The following ARHGAP17 variants were observed in gnomAD, a reference collection of about 807,000 sequenced individuals.
ARHGAP17 encodes Rho GTPase activating protein 17, also known as rho GTPase-activating protein 17.
ARHGAP17 carries 57 observed loss-of-function variants against 99.5 expected under a neutral mutation model. That is an observed-to-expected ratio of 0.57 (90% confidence interval 0.46 to 0.71). ARHGAP17 has a LOEUF of 0.71. Ranked by LOEUF, ARHGAP17 falls within the 30% of genes least tolerant of loss-of-function variation. The pLI is 0.00. For synonymous variants in ARHGAP17, 417 were observed against 429.6 expected (o/e 0.97, Z 0.36); for missense variants, 1,000 against 1,122.4 (o/e 0.89, Z 1.56).
chr16:24,926,861 CCA>C (rs2050855870), intron 19 of ARHGAP17, among the ~76,000 whole-genome samples: 2 of 152,320 alleles, frequency 1.3e-5, no homozygotes, highest in African/African-American at 4.8e-5. Flanking sequence ...GGTTCCACCC[CCA>C]GTCTCCTGTG....
chr16:24,923,116 T>C (rs1416960760), intron 19 of ARHGAP17, among the ~76,000 whole-genome samples: 1 of 152,206 alleles, frequency 6.6e-6, no homozygotes, highest in Non-Finnish European at 1.5e-5. Context: ...TCAGAGGCTC[T>C]ATTCCTTGCC....
intron 7 of ARHGAP17, among the ~76,000 whole-genome samples, chr16:24,962,368 C>T (rs143615004): frequency 1.6e-4 from 25 of 152,206 alleles, no homozygotes; most frequent in African/African-American, 5.5e-4. Flanking sequence ...AACGAAACAA[C>T]AGATTAGAAC....
chr16:24,968,765 G>GC lies in ARHGAP17; in HGVS notation c.279dup (p.Leu94AlafsTer8). On this transcript the variant is annotated frameshift_variant, in exon 5 of 20. Coordinates refer to ENST00000289968, the MANE Select transcript of ARHGAP17 (RefSeq NM_001006634.3). LOFTEE classifies it high-confidence loss of function. Reference sequence around the variant, plus strand: ...TTCTCAGCATCTCCACACGTCTCCAGCATCTTCCTTTAAAAACAAGACCCC... The same window carrying GC: ...TTCTCAGCATCTCCACACGTCTCCAGCCATCTTCCTTTAAAAACAAGACCCC... 6.2e-7 allele frequency: 1 copy of GC among 1,614,138 alleles called. No homozygotes were observed.
At chr16:24,927,275 C>A (rs1321539054) in intron 19 of ARHGAP17, among the ~76,000 whole-genome samples, 1 of 152,176 alleles carries the variant, frequency 6.6e-6, no homozygotes, top group African/African-American at 2.4e-5. Flanking sequence ...CTTGGACTTT[C>A]TCTTATTTCA....
chr16:25,003,048 A>G (rs912218329), intron 1 of ARHGAP17, among the ~76,000 whole-genome samples: 1 of 150,878 alleles, frequency 6.6e-6, no homozygotes, highest in African/African-American at 2.4e-5. Context: ...CAAAAAAAAA[A>G]AAAAAAAAAA....
intron 7 of ARHGAP17, among the ~76,000 whole-genome samples, chr16:24,963,197 A>C (rs2052064954): frequency 6.6e-6 from 1 of 152,256 alleles, no homozygotes. Flanking sequence ...CCAATGTGAC[A>C]TTATTTTAGT....
chr16:24,959,879 G>A (rs768593883), intron 8 of ARHGAP17, 32 bp downstream of exon 8: 2 of 1,609,026 alleles, frequency 1.2e-6, no homozygotes. Context: ...TTTTAACAAT[G>A]CTTTAACATT....
intron 1 of ARHGAP17, among the ~76,000 whole-genome samples, chr16:25,008,923 C>T (rs2053574505): frequency 6.6e-6 from 1 of 152,132 alleles, no homozygotes; most frequent in African/African-American, 2.4e-5. Flanking sequence ...CATAATAAGG[C>T]CATAAAAGAT....
chr16:24,930,954 C>G lies in ARHGAP17; in HGVS notation c.2345G>C (p.Gly782Ala), dbSNP rs28365822. The G allele has an allele frequency of 6.2e-7, 1 of 1,613,852 alleles. No individual in the cohort carries two copies. The stretch of plus-strand genomic sequence containing the variant: ...ATGTGGCTGTGCAGTTTCAGGGTTA[C>G]CCCCTGCCAGGGTCTGAGGAGCTGG... ...SLPAPQTLAG[G>A]NPETAQPHAG... is the part of the protein sequence containing the mutation. Residue 782 changes from glycine (G) to alanine (A), a missense_variant, in exon 19 of 20, where the codon GGT becomes GCT. Around this residue, in one of 2 missense-constraint regions of ARHGAP17, gnomAD observed 528 missense variants for 511.4 expected, o/e 1.03. Coordinates refer to ENST00000289968, the MANE Select transcript of ARHGAP17 (RefSeq NM_001006634.3).
At chr16:24,963,377 C>A (rs969003570) in intron 7 of ARHGAP17, among the ~76,000 whole-genome samples, 2 of 152,048 alleles carry the variant, frequency 1.3e-5, no homozygotes, top group Non-Finnish European at 2.9e-5. Context: ...GTTAACTGAT[C>A]AAGGTTTGCT....
At chr16:24,932,156 G>A (rs1356388240) in intron 18 of ARHGAP17, among the ~76,000 whole-genome samples, 1 of 151,346 alleles carries the variant, frequency 6.6e-6, no homozygotes, top group Non-Finnish European at 1.5e-5. Flanking sequence ...GCCCAATGTT[G>A]ACTTCTGAGC....
chr16:24,923,886 A>C (rs1020358747), intron 19 of ARHGAP17, among the ~76,000 whole-genome samples: 5 of 152,112 alleles, frequency 3.3e-5, no homozygotes, highest in African/African-American at 9.7e-5. Context: ...AGGAAACAGA[A>C]GTGGGTATTT....
At position 24,939,038 on chromosome 16, in the gene ARHGAP17, C is replaced by A. The variant is rs371056494; in HGVS notation, c.1724+326G>T. Among the ~76,000 whole-genome samples the A allele has an allele frequency of 7.9e-5, 12 of 152,308 alleles. 1 individual carries two copies. In the South Asian group the frequency reaches 2.3e-3, roughly 29 times the overall value. ...GGTTAGCACACTGGATGACAATGAA[C>A]AGAAGGTACATGAATGCTGACAGTA... On this transcript the variant is annotated intron_variant, in intron 17 of 19. Transcript: ENST00000289968.
At chr16:24,974,313 C>A (rs1256218466) in intron 3 of ARHGAP17, among the ~76,000 whole-genome samples, 1 of 152,162 alleles carries the variant, frequency 6.6e-6, no homozygotes, top group East Asian at 1.9e-4. Flanking sequence ...CACCTGTAGT[C>A]CCAGCTACTC....
At position 24,954,662 on chromosome 16, in the gene ARHGAP17, T is replaced by G. The variant is rs761696527; in HGVS notation, c.793A>C (p.Ile265Leu). 1 of 1,613,966 alleles carries G rather than the reference T, an allele frequency of 6.2e-7. No homozygotes were observed. Among genetic ancestry groups the G allele is most frequent in the Admixed American group, 1.7e-5 (1 of 59,994 alleles). The change falls in exon 10 of 20, where the codon ATT (isoleucine) becomes CTT (leucine). Residue 265 changes from isoleucine to leucine, a missense_variant. Transcript: ENST00000289968. Reference sequence around the variant, plus strand: ...ACACAGGCTTCAATGGGCAGCGCAATCTCGCGCCCGCTCCTCTTCAGGTGT... The same window carrying G: ...ACACAGGCTTCAATGGGCAGCGCAAGCTCGCGCCCGCTCCTCTTCAGGTGT... Reference protein sequence around the residue: ...EEHLKRSGREIALPIEACVML... With the variant: ...EEHLKRSGRELALPIEACVML...
At chr16:24,987,053 T>C (rs1386311526) in intron 1 of ARHGAP17, among the ~76,000 whole-genome samples, 1 of 152,204 alleles carries the variant, frequency 6.6e-6, no homozygotes, top group Non-Finnish European at 1.5e-5. Flanking sequence ...CTGATAAACA[T>C]ATTTCGGGAC....
In ARHGAP17 at chr16:24,968,355, C is replaced by A; in HGVS notation, c.457G>T (p.Ala153Ser). Residue 153 changes from alanine (A) to serine (S), a missense_variant, in exon 6 of 20, where the codon GCC becomes TCC. This residue lies in a region of ARHGAP17 where 472 missense variants were observed against 611.1 expected (regional missense o/e 0.77). Coordinates refer to ENST00000289968, the MANE Select transcript of ARHGAP17 (RefSeq NM_001006634.3). The stretch of plus-strand genomic sequence containing the variant: ...ATTGCTGGCTCAAGCTGTTACCTGG[C>A]TCTGACTGAATCCCAGTCTAACACC... Reference protein sequence around the residue: ...RLVLDWDSVRARWNQAHKSSG... With the variant: ...RLVLDWDSVRSRWNQAHKSSG... 1 of 1,614,224 alleles carries A rather than the reference C, an allele frequency of 6.2e-7. No homozygotes were observed.
intron 1 of ARHGAP17, among the ~76,000 whole-genome samples, chr16:24,989,159 G>A (rs1483817203): frequency 6.6e-6 from 1 of 152,126 alleles, no homozygotes; most frequent in Non-Finnish European, 1.5e-5. Context: ...AATGTCAGGG[G>A]CTCCCTCCAC....
At chr16:24,957,191 AC>A (rs1211243283) in intron 9 of ARHGAP17, 1 of 152,462 alleles carries the variant, frequency 6.6e-6, no homozygotes, top group East Asian at 1.9e-4. Context: ...GACCTGAATC[AC>A]TTGGAGAAAG....
Sources: allele counts gnomAD v4.1 joint callset (sites outside exome capture counted in the v4.1 genomes callset), GRCh38; gene constraint gnomAD v4.1.1; regional missense constraint gnomAD v4.1.1; transcripts MANE v1.5; gene names NCBI Gene and HGNC (gene_info 2026-07-23, HGNC 2026-07-21).